IGDCC4: variants seen among roughly 807,000 people sequenced by gnomAD.
The protein encoded by IGDCC4 is likely ortholog of mouse neighbor of Punc E11.
A neutral mutation model predicts 116.6 loss-of-function variants in IGDCC4; 72 were observed. The observed-to-expected ratio is 0.62, with a 90% CI of 0.51 to 0.75. The LOEUF is 0.75. Among genes scored for constraint, IGDCC4 ranks in the 30% least tolerant of loss-of-function variants. IGDCC4 has a pLI of 0.00. For synonymous variants in IGDCC4, 709 were observed against 719.9 expected (o/e 0.98, Z 0.24); for missense variants, 1,501 against 1,662.4 (o/e 0.90, Z 1.69).
At position 65,402,666 on chromosome 15, in the gene IGDCC4, G is replaced by A. The variant is rs199622717; in HGVS notation, c.564-179C>T. Among the ~76,000 whole-genome samples, 102 of 152,274 alleles carry A rather than the reference G, an allele frequency of 6.7e-4. No individual in the cohort carries two copies. The East Asian group carries it at 0.016, about 24-fold the overall frequency. ...GCGAATCACATGAGGTCGGGAGTTCGAGACCAGCCTGACCAACATGGAGAA... is the reference window on the plus strand; with the variant it reads ...GCGAATCACATGAGGTCGGGAGTTCAAGACCAGCCTGACCAACATGGAGAA... On this transcript the variant is annotated intron_variant, in intron 3 of 19. Coordinates refer to ENST00000352385, the MANE Select transcript of IGDCC4 (RefSeq NM_020962.3).
intron 1 of IGDCC4, among the ~76,000 whole-genome samples, chr15:65,422,275 ACTTCC>A (rs1334235403): frequency 6.6e-6 from 1 of 152,072 alleles, no homozygotes; most frequent in African/African-American, 2.4e-5. Flanking sequence ...GGGCAAGGAC[ACTTCC>A]CAAATGCCAA....
In IGDCC4 at chr15:65,385,068, T is replaced by C. The variant is rs932004898; in HGVS notation, c.3228A>G (p.Ala1076=). 1 of 1,602,994 alleles carries C rather than the reference T, an allele frequency of 6.2e-7. No individual in the cohort carries two copies. The highest frequency in any genetic ancestry group is 8.5e-7 in the Non-Finnish European group (1 of 1,177,120). ...PSGLSWAGSW[A]GCELPQAGPR... ...GGCCTGCCTGGGGCAGCTCACAGCC[T>C]GCCCAGGAACCAGCCCAGCTCAGCC... Residue 1076 remains alanine, a synonymous_variant, in exon 19 of 20, where the codon GCA becomes GCG. Coordinates refer to ENST00000352385, the MANE Select transcript of IGDCC4 (RefSeq NM_020962.3).
At chr15:65,402,013 G>A (rs1266866316) in intron 4 of IGDCC4, among the ~76,000 whole-genome samples, 1 of 152,160 alleles carries the variant, frequency 6.6e-6, no homozygotes, top group Non-Finnish European at 1.5e-5. Flanking sequence ...AAGGGGCAGG[G>A]AGCAGGGCTT....
chr15:65,418,901 G>A (rs1245385627), intron 1 of IGDCC4, among the ~76,000 whole-genome samples: 2 of 152,104 alleles, frequency 1.3e-5, no homozygotes, highest in African/African-American at 2.4e-5. Context: ...AGCTGATAAC[G>A]TCTCAGAAGG....
At position 65,402,530 on chromosome 15, in the gene IGDCC4, G is replaced by T. The variant is rs369392166; in HGVS notation, c.564-43C>A. The T allele has an allele frequency of 2.1e-4, 327 of 1,551,130 alleles. 8 individuals carry two copies. The South Asian group carries it at 3.1e-3, about 15-fold the overall frequency. ...AGGCAACTGTGAGGTGGGCAGGGGGGCCACAGGGAGGGTGGCTCATGGTAA... is the reference window on the plus strand; with the variant it reads ...AGGCAACTGTGAGGTGGGCAGGGGGTCCACAGGGAGGGTGGCTCATGGTAA... On this transcript the variant is annotated intron_variant, in intron 3 of 19. Transcript: ENST00000352385.
At chr15:65,389,017 C>A in intron 14 of IGDCC4, 39 bp from the exon 15 acceptor site, 1 of 1,390,254 alleles carries the variant, frequency 7.2e-7, no homozygotes. Context: ...GATGTCAGAG[C>A]TGGGGGACAG....
At chr15:65,398,877 G>A (rs569721724) in intron 5 of IGDCC4, among the ~76,000 whole-genome samples, 13 of 152,252 alleles carry the variant, frequency 8.5e-5, no homozygotes, top group South Asian at 2.1e-4. Flanking sequence ...GCGACAGAGC[G>A]AGACTCTGTC....
rs140587709 is a variant in IGDCC4, at chr15:65,422,519, A to AACACACACACACAC, written c.70+260_70+273dup. Among the ~76,000 whole-genome samples, 256 of 131,314 alleles carry AACACACACACACAC rather than the reference A, an allele frequency of 1.9e-3. 6 individuals carry two copies. Among genetic ancestry groups the AACACACACACACAC allele is most frequent in the South Asian group, 5.1e-3 (19 of 3,716 alleles). 86.1% of individuals were successfully genotyped at this position (131,314 alleles called of 152,430 possible). ...CTGCGGACACGACAGGAGCACTCCC[A>AACACACACACACAC]ACACACACACACACACACACACACA... On this transcript the variant is annotated intron_variant, in intron 1 of 19. Transcript: ENST00000352385.
intron 1 of IGDCC4, among the ~76,000 whole-genome samples, chr15:65,411,736 G>A (rs1463597524): frequency 2.0e-5 from 3 of 152,218 alleles, no homozygotes; most frequent in African/African-American, 7.2e-5. Context: ...ATCATAAGAT[G>A]CCACATTTTG....
chr15:65,415,360 G>T (rs1191723461), intron 1 of IGDCC4, among the ~76,000 whole-genome samples: 2 of 152,238 alleles, frequency 1.3e-5, no homozygotes, highest in Non-Finnish European at 2.9e-5. Context: ...GCTCTGGCAG[G>T]CAGGACGGCC....
At chr15:65,416,401 T>G (rs2063144832) in intron 1 of IGDCC4, among the ~76,000 whole-genome samples, 1 of 152,126 alleles carries the variant, frequency 6.6e-6, no homozygotes, top group Admixed American at 6.5e-5. Flanking sequence ...CCTTCCAAAG[T>G]GCTGGGATTA....
chr15:65,402,292 G>C, intron 4 of IGDCC4, 59 bp downstream of exon 4: 1 of 1,540,698 alleles, frequency 6.5e-7, no homozygotes, highest in Non-Finnish European at 8.8e-7. Flanking sequence ...GTCCCTCCCA[G>C]CTCTGAGGTG....
intron 17 of IGDCC4, 73 bp downstream of exon 17, chr15:65,386,478 T>G (rs2091459610): frequency 7.6e-7 from 1 of 1,319,740 alleles, no homozygotes; most frequent in Non-Finnish European, 1.1e-6. Flanking sequence ...ATGGCCACTT[T>G]CCCTGATGGC....
At chr15:65,389,034 A>T in intron 14 of IGDCC4, 56 bp from the exon 15 acceptor site, 1 of 1,214,110 alleles carries the variant, frequency 8.2e-7, no homozygotes, top group South Asian at 1.5e-5. Flanking sequence ...ACAGAGCATG[A>T]TGATATGACC....
rs972172136 is a variant in IGDCC4, at chr15:65,393,598, A to G, written c.1715-67T>C. On this transcript the variant is annotated intron_variant, in intron 9 of 19. Transcript: ENST00000352385. This position sits in a 1 kb window ranked among gnomAD's most constrained non-coding sequence, Gnocchi z 4.6. ...GGAACAGGATCCTAAACCCCCCTAC[A>G]TGGCTCTTCCGCCTCACATCCCGGT... 1.4e-6 allele frequency: 2 copies of G among 1,466,382 alleles called. No individual in the cohort carries two copies. The highest frequency in any genetic ancestry group is 2.4e-5 in the East Asian group (1 of 42,402). The allele number at this position is 1,466,382 out of a possible 1,614,324, so 90.8% of individuals were successfully genotyped here.
At chr15:65,398,347 A>G (rs2062946611) in intron 5 of IGDCC4, among the ~76,000 whole-genome samples, 1 of 151,070 alleles carries the variant, frequency 6.6e-6, no homozygotes, top group African/African-American at 2.4e-5. Context: ...CAGACTGGCT[A>G]ACATGGCAAA....
chr15:65,416,380 G>A (rs564447950), intron 1 of IGDCC4, among the ~76,000 whole-genome samples: 84 of 152,018 alleles, frequency 5.5e-4, no homozygotes, highest in South Asian at 4.2e-4. Context: ...TTCGTGATCC[G>A]CCCGCCTCGG....
chr15:65,384,000 T>C lies in IGDCC4; in HGVS notation c.*9A>G, dbSNP rs765907045. The C allele has an allele frequency of 6.4e-7, 1 of 1,567,258 alleles. No homozygotes were observed. The highest frequency in any genetic ancestry group is 1.2e-5 in the South Asian group (1 of 85,466). On this transcript the variant is annotated 3_prime_UTR_variant, in exon 20 of 20. Transcript: ENST00000352385. Reference sequence around the variant, plus strand: ...CCTGCCTGCCCCAAACCACATCCTCTGGGAAGAGCTAGGCAGAGGAGGAGA... The same window carrying C: ...CCTGCCTGCCCCAAACCACATCCTCCGGGAAGAGCTAGGCAGAGGAGGAGA...
intron 18 of IGDCC4, chr15:65,385,464 C>T: frequency 1.9e-6 from 1 of 525,552 alleles, no homozygotes; most frequent in Admixed American, 3.3e-5. Context: ...CTCACCTTAT[C>T]CTGGTCCCAG....
Sources: gnomAD v4.1 joint callset for allele counts (sites outside exome capture counted in the v4.1 genomes callset) on GRCh38, gnomAD v4.1.1 for gene constraint, Gnocchi (gnomAD v3.1) non-coding constraint, MANE v1.5 for transcripts, NCBI Gene and HGNC (gene_info 2026-07-23, HGNC 2026-07-21) for gene names.